Variants in S100A16 observed in about 807,000 individuals in gnomAD.
S100A16 encodes S100 calcium binding protein A16.
In S100A16, 8 loss-of-function variants were observed where a neutral mutation model predicts 9.0. The observed-to-expected ratio is 0.89, with a 90% CI of 0.52 to 1.60. The LOEUF is 1.60. Among genes scored for constraint, S100A16 ranks in the 40% most tolerant of loss-of-function variants. S100A16 has a pLI of 0.00. For missense variants in S100A16, 138 were observed against 132.4 expected (o/e 1.04, Z -0.21); for synonymous variants, 51 against 51.4 (o/e 0.99, Z 0.04).
At chr1:153,607,935 G>T in intron 2 of S100A16, 64 bp downstream of exon 2, 1 of 1,540,784 alleles carries the variant, frequency 6.5e-7, no homozygotes, top group South Asian at 1.1e-5. Flanking sequence ...CACCCTCAGA[G>T]GCCAGAGGCT....
chr1:153,612,558 C>G (rs574885127), intron 1 of S100A16, among the ~76,000 whole-genome samples: 1 of 152,128 alleles, frequency 6.6e-6, no homozygotes, highest in African/African-American at 2.4e-5. Context: ...GACACAGCTC[C>G]CAGAGCCCAG....
chr1:153,607,320 C>T lies in S100A16; in HGVS notation c.*214G>A, dbSNP rs1666712233. The T allele has an allele frequency of 3.2e-6, 2 of 626,548 alleles. No homozygotes were observed. The highest frequency in any genetic ancestry group is 5.5e-6 in the Non-Finnish European group (2 of 363,096). The allele number at this position is 626,548 out of a possible 1,614,324, so 38.8% of individuals were successfully genotyped here. Reference sequence around the variant, plus strand: ...GATCTCACAGAGGGGCCCCAAGGGCCTGCGACTCCAGGAGCTGAGACCCCC... The same window carrying T: ...GATCTCACAGAGGGGCCCCAAGGGCTTGCGACTCCAGGAGCTGAGACCCCC... On this transcript the variant is annotated 3_prime_UTR_variant, in exon 3 of 3. Coordinates refer to ENST00000368706, the MANE Select transcript of S100A16 (RefSeq NM_080388.3).
intron 1 of S100A16, among the ~76,000 whole-genome samples, chr1:153,612,652 G>A (rs921661212): frequency 2.0e-5 from 3 of 152,086 alleles, no homozygotes; most frequent in Non-Finnish European, 4.4e-5. Context: ...TCGAGTAGCT[G>A]TGGTCAAAGC....
At chr1:153,612,643 C>G (rs563573782) in intron 1 of S100A16, among the ~76,000 whole-genome samples, 1 of 152,152 alleles carries the variant, frequency 6.6e-6, no homozygotes, top group South Asian at 2.1e-4. Flanking sequence ...TGGGGAGGAT[C>G]GAGTAGCTGT....
In S100A16 at chr1:153,607,636, A is replaced by G. The variant is rs143533693; in HGVS notation, c.210T>C (p.His70=). The G allele has an allele frequency of 6.2e-7, 1 of 1,614,098 alleles. No individual in the cohort carries two copies. Among genetic ancestry groups the G allele is most frequent in the African/African-American group, 1.3e-5 (1 of 74,934 alleles). ...DKLIQNLDAN[H]DGRISFDEYW... is the part of the protein sequence containing the mutation. ...ACTCATCGAAGCTGATGCGCCCATC[A>G]TGATTGGCATCCAGGTTCTGGATGA... The change falls in exon 3 of 3, where the codon CAT becomes CAC. Residue 70 remains histidine, a synonymous_variant. Coordinates refer to ENST00000368706, the MANE Select transcript of S100A16 (RefSeq NM_080388.3).
rs1201048649 is a variant in S100A16 at position 153,607,690 on chromosome 1, G to A, written c.156C>T (p.Asp52=). The A allele has an allele frequency of 6.2e-7, 1 of 1,614,162 alleles. No homozygotes were observed. The highest frequency in any genetic ancestry group is 1.3e-5 in the African/African-American group (1 of 75,054). ...LQKELNHMLS[D]TGNRKAADKL... is the part of the protein sequence containing the mutation. ...TATCCGCAGCCTTCCGGTTCCCTGT[G>A]TCCTGGGGAGGAAGCAGGGTCAGCA... Residue 52 remains aspartate, a splice_region_variant and synonymous_variant, in exon 3 of 3, where the codon GAC becomes GAT. Transcript: ENST00000368706.
intron 1 of S100A16, among the ~76,000 whole-genome samples, chr1:153,608,477 C>T (rs1666754029): frequency 1.3e-5 from 2 of 152,318 alleles, no homozygotes; most frequent in South Asian, 2.1e-4. Context: ...GTGTCAGAGC[C>T]CTACGGGGCA....
Position 153,607,233 on chromosome 1 carries a change from ATTGG to A in S100A16, c.*297_*300del, listed in dbSNP as rs1217762669. 8 of 486,232 alleles carry A rather than the reference ATTGG, an allele frequency of 1.6e-5. No homozygotes were observed. Among genetic ancestry groups the A allele is most frequent in the Non-Finnish European group, 3.0e-5 (8 of 263,702 alleles). The allele number at this position is 486,232 out of a possible 1,614,324, so 30.1% of individuals were successfully genotyped here. On this transcript the variant is annotated 3_prime_UTR_variant, in exon 3 of 3. Coordinates refer to ENST00000368706, the MANE Select transcript of S100A16 (RefSeq NM_080388.3). The stretch of plus-strand genomic sequence containing the variant: ...CAGGAATTTGGCAGGAACATCAGAC[ATTGG>A]AAGGTTAGATGAGACTGAACAGGTG...
rs1466805456 is a variant in S100A16, at chr1:153,608,004, G to A, written c.148C>T (p.Leu50=). ...EMLQKELNHM[L]SDTGNRKAAD... ...CCTTGGGTGAGAGGCCTTACCGACA[G>A]CATGTGGTTCAGCTCTTTCTGGAGC... is the stretch of plus-strand genomic sequence containing the variant. Residue 50 remains leucine (L), a synonymous_variant, in exon 2 of 3, where the codon CTG becomes TTG. Coordinates refer to ENST00000368706, the MANE Select transcript of S100A16 (RefSeq NM_080388.3). The A allele has an allele frequency of 6.2e-7, 1 of 1,613,774 alleles. No individual in the cohort carries two copies. The highest frequency in any genetic ancestry group is 8.5e-7 in the Non-Finnish European group (1 of 1,179,912).
intron 1 of S100A16, among the ~76,000 whole-genome samples, chr1:153,611,049 C>T (rs907706409): frequency 1.3e-5 from 2 of 151,842 alleles, no homozygotes; most frequent in African/African-American, 4.8e-5. Context: ...TCCAATGGGC[C>T]CTCTCACCTC....
At chr1:153,612,364 C>A (rs1666856837) in intron 1 of S100A16, among the ~76,000 whole-genome samples, 1 of 152,110 alleles carries the variant, frequency 6.6e-6, no homozygotes, top group Non-Finnish European at 1.5e-5. Context: ...AGGCTCCCCA[C>A]AGCCTCACTC....
At position 153,607,404 on chromosome 1, in the gene S100A16, G is replaced by T; in HGVS notation, c.*130C>A. The T allele has an allele frequency of 1.9e-6, 2 of 1,054,118 alleles. No homozygotes were observed. Among genetic ancestry groups the T allele is most frequent in the Non-Finnish European group, 2.8e-6 (2 of 713,114 alleles). 65.3% of individuals were successfully genotyped at this position (1,054,118 alleles called of 1,614,324 possible). ...ACAAAGGGACCCCAGTTCAGCAAGG[G>T]TCAGAGGAAGGTCTGGAGGGAGAAG... On this transcript the variant is annotated 3_prime_UTR_variant, in exon 3 of 3. Coordinates refer to ENST00000368706, the MANE Select transcript of S100A16 (RefSeq NM_080388.3).
Position 153,608,162 on chromosome 1 carries a change from C to G in S100A16, c.-11G>C, listed in dbSNP as rs113696568. ...GTAGCAGTCTGACATCTCCCTGCTTCGCCTGCTGGCGGGGCCTGGACACCA... is the reference window on the plus strand; with the variant it reads ...GTAGCAGTCTGACATCTCCCTGCTTGGCCTGCTGGCGGGGCCTGGACACCA... On this transcript the variant is annotated 5_prime_UTR_variant, in exon 2 of 3. Coordinates refer to ENST00000368706, the MANE Select transcript of S100A16 (RefSeq NM_080388.3). 6 of 1,612,710 alleles carry G rather than the reference C, an allele frequency of 3.7e-6. No homozygotes were observed. In the South Asian group the frequency reaches 6.6e-5, roughly 18 times the overall value.
chr1:153,611,405 G>A (rs1395880133), intron 1 of S100A16, among the ~76,000 whole-genome samples: 3 of 151,800 alleles, frequency 2.0e-5, no homozygotes, highest in Non-Finnish European at 4.4e-5. Flanking sequence ...TCCAAGTGTT[G>A]GGATGTGTCC....
Position 153,607,099 on chromosome 1 carries a change from TG to T in S100A16, c.*434del. 2 of 441,754 alleles carry T rather than the reference TG, an allele frequency of 4.5e-6. No homozygotes were observed. Among genetic ancestry groups the T allele is most frequent in the Non-Finnish European group, 9.1e-6 (2 of 220,822 alleles). 27.4% of individuals were successfully genotyped at this position (441,754 alleles called of 1,614,324 possible). A position where few individuals can be genotyped will look rare whatever the true frequency, so the allele number is the denominator to read the frequency against. ...TAAGGGAAAGTGGAGAGGTCTCTGC[TG>T]CTGCTGCTGCTGCTGCTGCTGCTGT... On this transcript the variant is annotated 3_prime_UTR_variant, in exon 3 of 3. Transcript: ENST00000368706.
In S100A16 at chr1:153,607,480, A is replaced by G. The variant is rs1193956176; in HGVS notation, c.*54T>C. On this transcript the variant is annotated 3_prime_UTR_variant, in exon 3 of 3. Transcript: ENST00000368706. ...GAGGCTGAGGAGGGAGCCTGGGGAG[A>G]GCACCAGGGCGGGGCATCAGGCCAG... 7 of 1,603,406 alleles carry G rather than the reference A, an allele frequency of 4.4e-6. No homozygotes were observed. Among genetic ancestry groups the G allele is most frequent in the Non-Finnish European group, 5.1e-6 (6 of 1,171,872 alleles).
intron 1 of S100A16, chr1:153,608,805 C>T (rs1666766620): frequency 3.8e-6 from 2 of 525,376 alleles, no homozygotes; most frequent in African/African-American, 2.1e-5. Flanking sequence ...GCTCTCCCAA[C>T]ACACCCCGCC....
At chr1:153,608,959 A>G in intron 1 of S100A16, 3 of 985,840 alleles carry the variant, frequency 3.0e-6, no homozygotes, top group Non-Finnish European at 3.6e-6. Flanking sequence ...ACACAGCAGC[A>G]GACTGCCAGA....
At chr1:153,608,449 T>A (rs1006797183) in intron 1 of S100A16, 8 of 396,430 alleles carry the variant, frequency 2.0e-5, no homozygotes, top group Non-Finnish European at 3.7e-5. Flanking sequence ...GTTCCAGCCC[T>A]AGGGAGCAAG....
Sources: gnomAD v4.1 joint callset for allele counts (sites outside exome capture counted in the v4.1 genomes callset) on GRCh38, gnomAD v4.1.1 for gene constraint, MANE v1.5 for transcripts, NCBI Gene and HGNC (gene_info 2026-07-23, HGNC 2026-07-21) for gene names.